The following HERC5 variants were observed in gnomAD, a reference collection of about 807,000 sequenced individuals.
The protein encoded by HERC5 is E3 ISG15--protein ligase HERC5.
HERC5 carries 99 observed loss-of-function variants against 119.6 expected under a neutral mutation model. That is an observed-to-expected ratio of 0.83 (90% CI 0.70 to 0.98). The LOEUF (loss-of-function observed/expected upper bound fraction) is 0.98. Among genes scored for constraint, HERC5 ranks in the 50% least tolerant of loss-of-function variants. HERC5 has a pLI of 0.00. For synonymous variants in HERC5, 478 were observed against 445.9 expected, an observed-to-expected ratio of 1.07 and a Z score of -0.91; for missense variants, 1,267 against 1,241.3, an observed-to-expected ratio of 1.02 and a Z score of -0.31.
intron 1 of HERC5, chr4:88,458,009 T>C (rs914968039): frequency 2.0e-6 from 2 of 987,572 alleles, no homozygotes; most frequent in Non-Finnish European, 1.2e-6. Context: ...GTTGCCCGCG[T>C]TCTTTAAAAT....
intron 1 of HERC5, among the ~76,000 whole-genome samples, chr4:88,458,516 A>G (rs949561935): frequency 1.3e-5 from 2 of 152,082 alleles, no homozygotes; most frequent in Admixed American, 6.5e-5. Context: ...CCATTTCTTA[A>G]TACTTCCTTT....
chr4:88,505,853 TCAA>T lies in HERC5; in HGVS notation c.3059_3061del (p.Asn1020del), dbSNP rs777688987. ...GTTGAAGAAGCGCTTCAAGAAGCCA[TCAA>T]CAACAACAGAGGATTTGGCTGACCA... On this transcript the variant is annotated inframe_deletion, in exon 23 of 23. Transcript: ENST00000264350. 26 of 1,612,190 alleles carry T rather than the reference TCAA, an allele frequency of 1.6e-5. No individual in the cohort carries two copies. Among genetic ancestry groups the T allele is most frequent in the African/African-American group, 1.5e-4 (11 of 74,964 alleles).
intron 18 of HERC5, 37 bp from the exon 19 acceptor site, chr4:88,499,889 T>C (rs746038790): frequency 7.1e-7 from 1 of 1,408,428 alleles, no homozygotes; most frequent in Non-Finnish European, 1.0e-6. Flanking sequence ...TGATCATGGT[T>C]ATTACCTTTT....
At chr4:88,473,092 A>C (rs1578048513) in intron 11 of HERC5, 1 of 151,866 alleles carries the variant, frequency 6.6e-6, no homozygotes, top group East Asian at 1.9e-4. Flanking sequence ...TTGGAAACGG[A>C]GTCTCGCTTT....
At chr4:88,491,470 A>G (rs1741637842) in intron 16 of HERC5, among the ~76,000 whole-genome samples, 1 of 152,210 alleles carries the variant, frequency 6.6e-6, no homozygotes, top group Non-Finnish European at 1.5e-5. Context: ...TGTTTCTAGA[A>G]ATTAAGCCAG....
rs1303372147 is a variant in HERC5, at chr4:88,457,355, C to T, written c.86C>T (p.Pro29Leu). 1 of 1,427,416 alleles carries T rather than the reference C, an allele frequency of 7.0e-7. No homozygotes were observed. Among genetic ancestry groups the T allele is most frequent in the African/African-American group, 1.5e-5 (1 of 67,420 alleles). 88.4% of individuals were successfully genotyped at this position (1,427,416 alleles called of 1,614,324 possible). A position where few individuals can be genotyped will look rare whatever the true frequency, so the allele number is the denominator to read the frequency against. The part of the protein sequence containing the change: ...KAAATQPAKS[P>L]GAQLWLFPSA... ...GCCGCGACCCAGCCCGCGAAGTCTC[C>T]GGGCGCACAGCTCTGGCTCTTTCCC... The change falls in exon 1 of 23, where the codon CCG (proline) becomes CTG (leucine). Residue 29 changes from proline to leucine, a missense_variant. Pro to Leu is a moderately conservative substitution (Grantham distance 98, BLOSUM62 -3). Around this residue, in one of 3 missense-constraint regions of HERC5, gnomAD observed 777 missense variants for 758.0 expected, o/e 1.03. Transcript: ENST00000264350.
chr4:88,479,056 T>C, intron 12 of HERC5, among the ~76,000 whole-genome samples: 1 of 151,984 alleles, frequency 6.6e-6, no homozygotes, highest in African/African-American at 2.4e-5. Context: ...GAGGCAAAGG[T>C]GGGCGGATCA....
chr4:88,457,822 C>A, intron 1 of HERC5: 1 of 819,098 alleles, frequency 1.2e-6, no homozygotes, highest in Non-Finnish European at 1.6e-6. Flanking sequence ...GCCAGTCTGG[C>A]TTTCTCATAG....
intron 12 of HERC5, among the ~76,000 whole-genome samples, chr4:88,478,663 G>A (rs1406331402): frequency 1.3e-5 from 2 of 151,958 alleles, no homozygotes; most frequent in African/African-American, 2.4e-5. Flanking sequence ...CCAGGTTGGA[G>A]TGCTCTGGCA....
chr4:88,463,403 A>T, intron 4 of HERC5, 129 bp from the exon 5 acceptor site: 1 of 632,488 alleles, frequency 1.6e-6, no homozygotes, highest in Non-Finnish European at 2.8e-6. Flanking sequence ...ACATGGCAAC[A>T]TAGAGCCTTT....
chr4:88,467,233 C>T, intron 7 of HERC5, 29 bp downstream of exon 7: 1 of 1,596,618 alleles, frequency 6.3e-7, no homozygotes, highest in Non-Finnish European at 8.6e-7. Context: ...TAGGGTTTGG[C>T]ATAGTATCTT....
chr4:88,492,880 G>A, intron 16 of HERC5, 132 bp from the exon 17 acceptor site: 1 of 686,602 alleles, frequency 1.5e-6, no homozygotes, highest in Non-Finnish European at 2.4e-6. Flanking sequence ...ATATAAGTAG[G>A]ATACTTACCT....
chr4:88,490,085 G>A (rs1236990494), intron 16 of HERC5, among the ~76,000 whole-genome samples: 1 of 151,962 alleles, frequency 6.6e-6, no homozygotes, highest in East Asian at 1.9e-4. Flanking sequence ...GTTATTTTGG[G>A]GTATAATTGT....
At chr4:88,502,859 T>C (rs1741986262) in intron 20 of HERC5, among the ~76,000 whole-genome samples, 1 of 152,224 alleles carries the variant, frequency 6.6e-6, no homozygotes, top group East Asian at 1.9e-4. Flanking sequence ...TCTATTTTTC[T>C]GTTGCTTTTT....
chr4:88,459,209 T>C, intron 1 of HERC5, 138 bp from the exon 2 acceptor site: 1 of 632,380 alleles, frequency 1.6e-6, no homozygotes, highest in Non-Finnish European at 2.5e-6. Flanking sequence ...CTGAATTTTC[T>C]TAAGAGAAGT....
At chr4:88,492,717 G>C (rs1348720382) in intron 16 of HERC5, among the ~76,000 whole-genome samples, 1 of 152,104 alleles carries the variant, frequency 6.6e-6, no homozygotes, top group Non-Finnish European at 1.5e-5. Flanking sequence ...CTGCACTCCA[G>C]CCTAGACAAC....
intron 20 of HERC5, 150 bp downstream of exon 20, chr4:88,501,135 A>T: frequency 3.5e-6 from 2 of 572,352 alleles, no homozygotes; most frequent in African/African-American, 3.9e-5. Flanking sequence ...ATGTGTTTTG[A>T]CATATATATC....
At chr4:88,504,051 T>A (rs564537802) in intron 20 of HERC5, among the ~76,000 whole-genome samples, 181 bp from the exon 21 acceptor site, 466 of 150,312 alleles carry the variant, frequency 3.1e-3, no homozygotes, top group African/African-American at 0.011. Flanking sequence ...CAGGTGACAG[T>A]GCGAGACTCC....
In HERC5 at chr4:88,504,573, C is replaced by G. The variant is rs1173459088; in HGVS notation, c.2845C>G (p.Leu949Val). The G allele has an allele frequency of 6.4e-7, 1 of 1,567,084 alleles. No homozygotes were observed. The highest frequency in any genetic ancestry group is 8.6e-7 in the Non-Finnish European group (1 of 1,160,648). The change falls in exon 22 of 23, where the codon CTG (leucine) becomes GTG (valine). Residue 949 changes from leucine to valine, a missense_variant. Coordinates refer to ENST00000264350, the MANE Select transcript of HERC5 (RefSeq NM_016323.4). ...MFWKAFHKLT[L>V]EEKKKFLVFL... The stretch of plus-strand genomic sequence containing the variant: ...TTGGAAGGCTTTCCACAAATTGACT[C>G]TGGAAGAAAAGAAAAAATTCCTTGG...
Sources: allele counts gnomAD v4.1 joint callset (sites outside exome capture counted in the v4.1 genomes callset), GRCh38; gene constraint gnomAD v4.1.1; regional missense constraint gnomAD v4.1.1; transcripts MANE v1.5; gene names NCBI Gene and HGNC (gene_info 2026-07-23, HGNC 2026-07-21).